Variants in TSEN2 observed in about 807,000 individuals in gnomAD.
TSEN2 encodes tRNA splicing endonuclease subunit 2, also known as tRNA-splicing endonuclease subunit Sen2.
A neutral mutation model predicts 59.2 loss-of-function variants in TSEN2; 54 were observed. The observed-to-expected ratio is 0.91, with a 90% CI of 0.73 to 1.14. The LOEUF (loss-of-function observed/expected upper bound fraction) is 1.14, where lower values mean the gene tolerates loss of function less well. TSEN2 is among the 50% of genes most tolerant of loss of function. The pLI, the probability that TSEN2 is intolerant of heterozygous loss-of-function variation, is 0.00. For missense variants in TSEN2, 636 were observed against 576.2 expected, an observed-to-expected ratio of 1.10 and a Z score of -1.06; for synonymous variants, 195 against 198.2, an observed-to-expected ratio of 0.98 and a Z score of 0.14.
intron 10 of TSEN2, chr3:12,538,669 A>G (rs2057737563): frequency 6.4e-6 from 1 of 155,884 alleles, no homozygotes; most frequent in Non-Finnish European, 1.4e-5. Context: ...TTGGTCAAAA[A>G]CAACCAAGTT....
rs1559274329 is a variant in TSEN2 at position 12,489,977 on chromosome 3, GC to G, written c.178del (p.Leu60SerfsTer33). The G allele has an allele frequency of 6.2e-7, 1 of 1,614,140 alleles. No individual in the cohort carries two copies. The highest frequency in any genetic ancestry group is 2.2e-5 in the East Asian group (1 of 44,878). ...TGAGGAATGCGGAGGACATTGAGCA[GC>G]TCTATGGGAAAGTAAGTGCAGGCAG... ...IVRNAEDIEQ[L>X]YGKGYFGKGI... On this transcript the variant is annotated frameshift_variant, in exon 2 of 12. Coordinates refer to ENST00000284995, the MANE Select transcript of TSEN2 (RefSeq NM_025265.4). LOFTEE classifies it high-confidence loss of function.
At chr3:12,514,432 A>C (rs1305259436) in intron 6 of TSEN2, among the ~76,000 whole-genome samples, 1 of 152,190 alleles carries the variant, frequency 6.6e-6, no homozygotes, top group Non-Finnish European at 1.5e-5. Flanking sequence ...TGTGCCAAGA[A>C]GATGAATCTG....
chr3:12,485,545 GA>G (rs2052528339), intron 1 of TSEN2, among the ~76,000 whole-genome samples: 2 of 152,132 alleles, frequency 1.3e-5, no homozygotes, highest in Admixed American at 1.3e-4. Context: ...AATTTGAATA[GA>G]CCTTGCTGTT....
At chr3:12,525,142 C>G (rs906053936) in intron 8 of TSEN2, among the ~76,000 whole-genome samples, 4 of 152,114 alleles carry the variant, frequency 2.6e-5, no homozygotes, top group African/African-American at 9.7e-5. Context: ...CTCCATATGT[C>G]TGATTGTTCC....
chr3:12,485,140 A>G (rs566588216), intron 1 of TSEN2, among the ~76,000 whole-genome samples: 1 of 152,262 alleles, frequency 6.6e-6, no homozygotes, highest in Non-Finnish European at 1.5e-5. Flanking sequence ...TTGCCTCCCT[A>G]AGCCCAGGAG....
intron 8 of TSEN2, among the ~76,000 whole-genome samples, chr3:12,519,916 A>G (rs1376277922): frequency 6.6e-6 from 1 of 152,224 alleles, no homozygotes; most frequent in Non-Finnish European, 1.5e-5. Flanking sequence ...AGCACTTGCC[A>G]TGTGCCAAGC....
intron 6 of TSEN2, among the ~76,000 whole-genome samples, chr3:12,510,192 G>A (rs986929517): frequency 5.3e-5 from 8 of 152,158 alleles, no homozygotes; most frequent in Non-Finnish European, 1.2e-4. Flanking sequence ...GCATGCATTG[G>A]TCTGCCACCG....
At chr3:12,519,555 C>T (rs2056444720) in intron 8 of TSEN2, among the ~76,000 whole-genome samples, 1 of 152,116 alleles carries the variant, frequency 6.6e-6, no homozygotes, top group Admixed American at 6.5e-5. Flanking sequence ...ACCATCCTGA[C>T]TAACAAAGTG....
chr3:12,536,887 C>T (rs1385006170), downstream of TSEN2, among the ~76,000 whole-genome samples: 2 of 151,932 alleles, frequency 1.3e-5, no homozygotes, highest in African/African-American at 4.8e-5. Context: ...CCTGTAATCC[C>T]AGCTACTCAG....
rs1008191117 is a variant in TSEN2, at chr3:12,484,774, G to T, written c.-124G>T. ...TGGAAACGCCGGCGCCTTGTTCAGG[G>T]CTGGTGGGGCTGGGGCGCAAGGTGC... On this transcript the variant is annotated 5_prime_UTR_variant, in exon 1 of 12. Transcript: ENST00000284995. 6.6e-6 allele frequency: 1 copy of T among 152,262 alleles called. No individual in the cohort carries two copies. Among genetic ancestry groups the T allele is most frequent in the Admixed American group, 6.5e-5 (1 of 15,282 alleles). The allele number at this position is 152,262 out of a possible 1,614,324, so 9.4% of individuals were successfully genotyped here. A position where few individuals can be genotyped will look rare whatever the true frequency, so the allele number is the denominator to read the frequency against.
intron 8 of TSEN2, among the ~76,000 whole-genome samples, chr3:12,527,976 G>T (rs1170401234): frequency 1.3e-5 from 2 of 152,152 alleles, no homozygotes; most frequent in East Asian, 1.9e-4. Flanking sequence ...CTGGCCCCAG[G>T]CTCCTTCACT....
At position 12,489,866 on chromosome 3, in the gene TSEN2, A is replaced by G. The variant is rs62637658; in HGVS notation, c.66A>G (p.Pro22=). The G allele has an allele frequency of 6.2e-7, 1 of 1,614,100 alleles. No individual in the cohort carries two copies. The highest frequency in any genetic ancestry group is 8.5e-7 in the Non-Finnish European group (1 of 1,180,030). The change falls in exon 2 of 12, where the codon CCA becomes CCG. Residue 22 remains proline (P), a synonymous_variant. Transcript: ENST00000284995. ...GAGTGTATGAGACTTACGAGTCTCCATTGCCAATCCCTTTTGGTCAGGACC... is the reference window on the plus strand; with the variant it reads ...GAGTGTATGAGACTTACGAGTCTCCGTTGCCAATCCCTTTTGGTCAGGACC... ...KRRVYETYES[P]LPIPFGQDHG... is the part of the protein sequence containing the mutation.
intron 2 of TSEN2, 21 bp from the exon 3 acceptor site, chr3:12,492,115 C>T: frequency 1.2e-6 from 2 of 1,608,444 alleles, no homozygotes; most frequent in Non-Finnish European, 1.7e-6. Context: ...GAACTAACTT[C>T]ATTTTCTCTC....
intron 7 of TSEN2, among the ~76,000 whole-genome samples, chr3:12,517,837 C>T (rs1470067829): frequency 6.6e-6 from 1 of 151,644 alleles, no homozygotes; most frequent in Non-Finnish European, 1.5e-5. Flanking sequence ...CAACACTGGG[C>T]TGTGTTGGAA....
chr3:12,508,428 T>C (rs143727053), intron 6 of TSEN2, among the ~76,000 whole-genome samples: 2 of 152,330 alleles, frequency 1.3e-5, no homozygotes, highest in African/African-American at 2.4e-5. Flanking sequence ...CAGATTTCTT[T>C]TGAATGAATC....
At chr3:12,539,077 AG>A in intron 10 of TSEN2, 1 of 414,734 alleles carries the variant, frequency 2.4e-6, no homozygotes, top group South Asian at 1.7e-5. Context: ...TTAGATTCTG[AG>A]GGGGTTTTTG....
At chr3:12,495,942 A>G (rs2053704467) in intron 3 of TSEN2, among the ~76,000 whole-genome samples, 1 of 152,176 alleles carries the variant, frequency 6.6e-6, no homozygotes, top group Non-Finnish European at 1.5e-5. Flanking sequence ...GGATTCAGAA[A>G]CAGCAGGAGC....
chr3:12,519,473 CCGT>C lies in TSEN2; in HGVS notation c.1099+277_1099+279del, dbSNP rs1489333456. Among the ~76,000 whole-genome samples, 6 of 152,276 alleles carry C rather than the reference CCGT, an allele frequency of 3.9e-5. No homozygotes were observed. In the South Asian group the frequency reaches 1.2e-3, roughly 32 times the overall value. On this transcript the variant is annotated intron_variant, in intron 8 of 11. Coordinates refer to ENST00000284995, the MANE Select transcript of TSEN2 (RefSeq NM_025265.4). ...CTTAGAAAAGCGTTCTGGCTGAGCGCCGTGGCTTACGCATGTAATCCCAGCACT... is the reference window on the plus strand; with the variant it reads ...CTTAGAAAAGCGTTCTGGCTGAGCGCGGCTTACGCATGTAATCCCAGCACT...
rs1163160043 is a variant in TSEN2 at position 12,529,997 on chromosome 3, A to G, written c.1248+124A>G. On this transcript the variant is annotated intron_variant, in intron 10 of 11. Transcript: ENST00000284995. ...ACTTCATAACATTCCTGCCAGTGAC[A>G]TGCTGGAAGATTTGGGGTCATTCGT... is the stretch of plus-strand genomic sequence containing the variant. The G allele has an allele frequency of 6.7e-6, 10 of 1,498,016 alleles. No individual in the cohort carries two copies. The African/African-American group carries it at 8.5e-5, about 13-fold the overall frequency. The allele number at this position is 1,498,016 out of a possible 1,614,324, so 92.8% of individuals were successfully genotyped here.
Sources: gnomAD v4.1 joint callset for allele counts (sites outside exome capture counted in the v4.1 genomes callset) on GRCh38, gnomAD v4.1.1 for gene constraint, MANE v1.5 for transcripts, NCBI Gene and HGNC (gene_info 2026-07-23, HGNC 2026-07-21) for gene names.